The following PRDM16 variants were observed in gnomAD, a reference collection of about 807,000 sequenced individuals.
PRDM16 encodes the protein histone-lysine N-methyltransferase PRDM16.
PRDM16 carries 23 observed loss-of-function variants against 110.6 expected under a neutral mutation model. The ratio of observed to expected loss-of-function variants is 0.21; its 90% confidence interval spans 0.15 to 0.29. The LOEUF is 0.29. Among genes scored for constraint, PRDM16 ranks in the 10% least tolerant of loss-of-function variants. PRDM16 has a pLI of 1.00. For missense variants in PRDM16, 1,615 were observed against 1,794.3 expected, an observed-to-expected ratio of 0.90 and a Z score of 1.81; for synonymous variants, 799 against 781.8, an observed-to-expected ratio of 1.02 and a Z score of -0.37.
chr1:3,366,388 C>T (rs1362395477), intron 3 of PRDM16, among the ~76,000 whole-genome samples: 1 of 152,260 alleles, frequency 6.6e-6, no homozygotes, highest in Non-Finnish European at 1.5e-5. Flanking sequence ...GCCGTGTCCC[C>T]TGCCCTGGGC....
At chr1:3,330,093 G>A (rs1001538318) in intron 3 of PRDM16, among the ~76,000 whole-genome samples, 2 of 152,250 alleles carry the variant, frequency 1.3e-5, no homozygotes, top group Non-Finnish European at 2.9e-5. Context: ...CGCCAAGAGG[G>A]GTTAAGGATG....
intron 3 of PRDM16, among the ~76,000 whole-genome samples, chr1:3,341,520 C>G (rs1642271871): frequency 6.6e-6 from 1 of 152,202 alleles, no homozygotes; most frequent in Non-Finnish European, 1.5e-5. Flanking sequence ...CGCCGTGAAG[C>G]ACAGACAAAG....
chr1:3,279,443 G>A (rs932735653), intron 3 of PRDM16, among the ~76,000 whole-genome samples: 4 of 152,246 alleles, frequency 2.6e-5, no homozygotes, highest in South Asian at 2.1e-4. Context: ...CACACTGGCC[G>A]CAGAGCTGCC....
At chr1:3,107,482 G>A (rs142900406) in intron 1 of PRDM16, among the ~76,000 whole-genome samples, 219 of 152,304 alleles carry the variant, frequency 1.4e-3, no homozygotes, top group African/African-American at 5.1e-3. Context: ...TGTAAATAGA[G>A]CAATCCTTTA....
At chr1:3,414,794 TTC>T (rs1354908398) in intron 10 of PRDM16, 147 bp downstream of exon 10, 1 of 656,504 alleles carries the variant, frequency 1.5e-6, no homozygotes, top group East Asian at 2.7e-5. Flanking sequence ...CAGAGGAGGA[TTC>T]TCTCCCTGAG....
intron 1 of PRDM16, among the ~76,000 whole-genome samples, chr1:3,104,607 G>A (rs1414767968): frequency 8.7e-6 from 1 of 114,776 alleles, no homozygotes; most frequent in Non-Finnish European, 1.7e-5. Flanking sequence ...ACATCCAGGA[G>A]CATGTGCCAG....
At chr1:3,289,254 A>T (rs1640921078) in intron 3 of PRDM16, among the ~76,000 whole-genome samples, 2 of 152,288 alleles carry the variant, frequency 1.3e-5, no homozygotes, top group Non-Finnish European at 2.9e-5. Context: ...ACTGAGGCCC[A>T]AGCCCCCTGC....
chr1:3,389,047 TGC>T (rs956445474), intron 4 of PRDM16, among the ~76,000 whole-genome samples: 3 of 152,178 alleles, frequency 2.0e-5, no homozygotes, highest in Admixed American at 2.0e-4. Context: ...CTCAGAAGCC[TGC>T]TCAAATCACT....
chr1:3,114,443 GCACACGCACA>G (rs1272452733), intron 1 of PRDM16, among the ~76,000 whole-genome samples: 32 of 115,110 alleles, frequency 2.8e-4, no homozygotes, highest in South Asian at 1.1e-3. Flanking sequence ...GTAAACAGAC[GCACACGCACA>G]CACACGCACA....
chr1:3,287,777 T>C (rs1214047119), intron 3 of PRDM16, among the ~76,000 whole-genome samples: 1 of 145,962 alleles, frequency 6.9e-6, no homozygotes, highest in Non-Finnish European at 1.5e-5. Context: ...GGATTGCATT[T>C]ACCGGGGCTG....
intron 2 of PRDM16, among the ~76,000 whole-genome samples, chr1:3,218,467 C>G (rs1322891869): frequency 1.3e-5 from 2 of 152,244 alleles, no homozygotes; most frequent in Admixed American, 1.3e-4. Flanking sequence ...CTTGGGCACA[C>G]CCACCCACTC....
chr1:3,190,080 C>T lies in PRDM16; in HGVS notation c.387+3606C>T, dbSNP rs958167536. ...GGCTCTTCTCTCCCTGACATGGGGC[C>T]GATGTAGATGACAGCATGACTCCCT... is the stretch of plus-strand genomic sequence containing the variant. On this transcript the variant is annotated intron_variant, in intron 2 of 16. Transcript: ENST00000270722. This position sits in a 1 kb window ranked among gnomAD's most constrained non-coding sequence, Gnocchi z 5.0. Among the ~76,000 whole-genome samples the T allele has an allele frequency of 6.6e-6, 1 of 151,998 alleles. No individual in the cohort carries two copies. The highest frequency in any genetic ancestry group is 1.5e-5 in the Non-Finnish European group (1 of 68,010).
chr1:3,099,428 C>T (rs916071461), intron 1 of PRDM16, among the ~76,000 whole-genome samples: 5 of 152,248 alleles, frequency 3.3e-5, no homozygotes, highest in Admixed American at 2.0e-4. Flanking sequence ...GGCCCCGGAG[C>T]CCCGGATGCT....
At chr1:3,406,901 G>A (rs1243075402) in intron 8 of PRDM16, among the ~76,000 whole-genome samples, 1 of 152,194 alleles carries the variant, frequency 6.6e-6, no homozygotes, top group Non-Finnish European at 1.5e-5. Context: ...CGCTTCCCAA[G>A]CATTCTTACA....
chr1:3,248,036 C>T (rs1000415314), intron 3 of PRDM16, among the ~76,000 whole-genome samples: 3 of 152,142 alleles, frequency 2.0e-5, no homozygotes, highest in African/African-American at 7.2e-5. Flanking sequence ...AAAGGCCGGG[C>T]GAAGAGGCTT....
intron 2 of PRDM16, among the ~76,000 whole-genome samples, chr1:3,210,373 TC>T (rs376466615): frequency 8.1e-4 from 123 of 152,204 alleles, no homozygotes; most frequent in Non-Finnish European, 1.5e-3. Context: ...TGGAAGGCTT[TC>T]CCCCCTCAGA....
rs1643870432 is a variant in PRDM16, at chr1:3,157,830, T to G, written c.38-28295T>G. ...TGTGTCCAGGGTCACCGAGGCCATC[T>G]GGCCTCCCCCAGCACCGCCGGGCTG... On this transcript the variant is annotated intron_variant, in intron 1 of 16. Coordinates refer to ENST00000270722, the MANE Select transcript of PRDM16 (RefSeq NM_022114.4). The surrounding 1 kb of genome is among the most constrained non-coding windows in gnomAD (Gnocchi z 4.8). 6.6e-6 allele frequency among the ~76,000 whole-genome samples: 1 copy of G among 152,210 alleles called. No homozygotes were observed. Among genetic ancestry groups the G allele is most frequent in the Non-Finnish European group, 1.5e-5 (1 of 68,040 alleles).
In PRDM16 at chr1:3,204,383, G is replaced by A. The variant is rs189514538; in HGVS notation, c.387+17909G>A. On this transcript the variant is annotated intron_variant, in intron 2 of 16. Transcript: ENST00000270722. ...AAAATTGATTTGGAGGTAAAACGAC[G>A]TCATGTGAACATTTCAAACATGGGA... Among the ~76,000 whole-genome samples the A allele has an allele frequency of 3.3e-3, 510 of 152,242 alleles. 1 individual carries two copies. Among genetic ancestry groups the A allele is most frequent in the South Asian group, 0.014 (69 of 4,822 alleles).
intron 4 of PRDM16, among the ~76,000 whole-genome samples, chr1:3,394,001 G>A (rs904724857): frequency 6.6e-6 from 1 of 152,038 alleles, no homozygotes; most frequent in Non-Finnish European, 1.5e-5. Flanking sequence ...AGACCCTCCC[G>A]CGGCGGCGGC....
Sources: allele counts gnomAD v4.1 joint callset (sites outside exome capture counted in the v4.1 genomes callset), GRCh38; gene constraint gnomAD v4.1.1; non-coding constraint Gnocchi (gnomAD v3.1); transcripts MANE v1.5; gene names NCBI Gene and HGNC (gene_info 2026-07-23, HGNC 2026-07-21).